The following APPL1 variants were observed in gnomAD, a reference collection of about 807,000 sequenced individuals.
APPL1 encodes the protein DCC-interacting protein 13-alpha.
Under a neutral mutation model 106.8 loss-of-function variants are expected in APPL1, and 42 were observed. The ratio of observed to expected loss-of-function variants is 0.39; its 90% CI spans 0.31 to 0.51. APPL1 has a LOEUF of 0.51. APPL1 is among the 20% of genes least tolerant of loss of function. APPL1 has a pLI of 0.75. For missense variants in APPL1, 769 were observed against 858.2 expected (o/e 0.90, Z 1.30); for synonymous variants, 263 against 281.8 (o/e 0.93, Z 0.67).
rs760312960 is a variant in APPL1, at chr3:57,259,832, T to G, written c.1484-13T>G. On this transcript the variant is annotated splice_polypyrimidine_tract_variant and intron_variant, in intron 16 of 21. Coordinates refer to ENST00000288266, the MANE Select transcript of APPL1 (RefSeq NM_012096.3). ...TAAAAAAAAAATATGTAATACACCT[T>G]GTTCTATTATAGATTCTATTCTTCA... 7 of 1,549,068 alleles carry G rather than the reference T, an allele frequency of 4.5e-6. No individual in the cohort carries two copies. The Admixed American group carries it at 1.5e-4, about 34-fold the overall frequency.
chr3:57,231,962 A>G (rs530994065), intron 1 of APPL1, among the ~76,000 whole-genome samples: 3 of 152,210 alleles, frequency 2.0e-5, no homozygotes, highest in Admixed American at 6.5e-5. Flanking sequence ...TCTTTTAAGA[A>G]TACTGCCTGG....
At position 57,227,830 on chromosome 3, in the gene APPL1, C is replaced by T. The variant is rs1040146567; in HGVS notation, c.-54C>T. 7.8e-6 allele frequency: 11 copies of T among 1,407,298 alleles called. No homozygotes were observed. The Admixed American group carries it at 2.1e-4, about 27-fold the overall frequency. The allele number at this position is 1,407,298 out of a possible 1,614,324, so 87.2% of individuals were successfully genotyped here. A position where few individuals can be genotyped will look rare whatever the true frequency, so the allele number is the denominator to read the frequency against. On this transcript the variant is annotated 5_prime_UTR_variant, in exon 1 of 22. Coordinates refer to ENST00000288266, the MANE Select transcript of APPL1 (RefSeq NM_012096.3). The stretch of plus-strand genomic sequence containing the variant: ...GTCAGCTGCGGCGGGCGGGCCGGCG[C>T]GGGGAGCTGTGGGCGGCAGCTGCGT...
rs1258168940 is a variant in APPL1, at chr3:57,272,722, C to G, written c.*3035C>G. 1.3e-5 allele frequency: 2 copies of G among 152,334 alleles called. No homozygotes were observed. Among genetic ancestry groups the G allele is most frequent in the East Asian group, 3.8e-4 (2 of 5,212 alleles). The allele number at this position is 152,334 out of a possible 1,614,324, so 9.4% of individuals were successfully genotyped here. A position where few individuals can be genotyped will look rare whatever the true frequency, so the allele number is the denominator to read the frequency against. ...TCACGCCATTCTCCTGCCTCAGCCT[C>G]CCGAGTAGCTGGGACCACAGGGGCC... On this transcript the variant is annotated 3_prime_UTR_variant, in exon 22 of 22. Transcript: ENST00000288266.
chr3:57,263,290 G>A (rs1003412448), intron 19 of APPL1, among the ~76,000 whole-genome samples: 1 of 151,786 alleles, frequency 6.6e-6, no homozygotes, highest in African/African-American at 2.4e-5. Flanking sequence ...TACTCTTTTA[G>A]TTATTTTTAA....
chr3:57,230,792 G>A (rs1022047826), intron 1 of APPL1: 2 of 455,022 alleles, frequency 4.4e-6, no homozygotes. Flanking sequence ...TTTTTTTTGA[G>A]ACAGAGTCTC....
At position 57,265,218 on chromosome 3, in the gene APPL1, G is replaced by A. The variant is rs146824435; in HGVS notation, c.1843-2524G>A. 4.0e-4 allele frequency among the ~76,000 whole-genome samples: 60 copies of A among 151,828 alleles called. 1 individual carries two copies. The East Asian group carries it at 8.3e-3, about 21-fold the overall frequency. ...GGCTGGAGTGCAGTTGCATAATCTCGGCTCACTGCAATGTCTGCCTCCCAG... is the reference window on the plus strand; with the variant it reads ...GGCTGGAGTGCAGTTGCATAATCTCAGCTCACTGCAATGTCTGCCTCCCAG... On this transcript the variant is annotated intron_variant, in intron 19 of 21. Transcript: ENST00000288266.
At chr3:57,269,405 CTTTTT>C in intron 21 of APPL1, 131 bp from the exon 22 acceptor site, 1 of 818,582 alleles carries the variant, frequency 1.2e-6, no homozygotes. Context: ...TGTAGCTTTT[CTTTTT>C]ATCAAGTTGT....
At chr3:57,240,632 C>T (rs1399534205) in intron 5 of APPL1, 80 bp downstream of exon 5, 5 of 1,260,890 alleles carry the variant, frequency 4.0e-6, no homozygotes, top group Non-Finnish European at 4.6e-6. Context: ...TGTACTTACA[C>T]CATTTCTGGA....
At chr3:57,255,256 T>G (rs4681966) in intron 13 of APPL1, among the ~76,000 whole-genome samples, 2 of 152,010 alleles carry the variant, frequency 1.3e-5, no homozygotes, top group Admixed American at 6.6e-5. Context: ...TGGGCCTGTC[T>G]GTGCTATGGG....
chr3:57,259,827 C>T lies in APPL1; in HGVS notation c.1484-18C>T, dbSNP rs1402330380. 1 of 1,521,048 alleles carries T rather than the reference C, an allele frequency of 6.6e-7. No homozygotes were observed. The highest frequency in any genetic ancestry group is 8.8e-7 in the Non-Finnish European group (1 of 1,132,556). The allele number at this position is 1,521,048 out of a possible 1,614,324, so 94.2% of individuals were successfully genotyped here. On this transcript the variant is annotated intron_variant, in intron 16 of 21. Transcript: ENST00000288266. ...TACAGTAAAAAAAAAATATGTAATA[C>T]ACCTTGTTCTATTATAGATTCTATT...
intron 9 of APPL1, among the ~76,000 whole-genome samples, chr3:57,247,788 G>A (rs1388992229): frequency 6.6e-6 from 1 of 152,150 alleles, no homozygotes; most frequent in Non-Finnish European, 1.5e-5. Context: ...GTGGGAGTTT[G>A]ATGGGAGATT....
chr3:57,239,779 T>C (rs1385855502), intron 4 of APPL1, among the ~76,000 whole-genome samples: 8 of 152,242 alleles, frequency 5.3e-5, no homozygotes, highest in Non-Finnish European at 1.0e-4. Flanking sequence ...CTACAGTGCC[T>C]GCACCATTTT....
chr3:57,259,048 A>G lies in APPL1; in HGVS notation c.1451A>G (p.Glu484Gly). 6.2e-7 allele frequency: 1 copy of G among 1,612,968 alleles called. No homozygotes were observed. Among genetic ancestry groups the G allele is most frequent in the South Asian group, 1.1e-5 (1 of 90,832 alleles). The change falls in exon 16 of 22, where the codon GAA becomes GGA. Residue 484 changes from glutamate (E) to glycine (G), a missense_variant. Glu to Gly is a moderately conservative substitution (Grantham distance 98). Coordinates refer to ENST00000288266, the MANE Select transcript of APPL1 (RefSeq NM_012096.3). The stretch of plus-strand genomic sequence containing the variant: ...TTTAGGCGTACAAATCCATTTGGAG[A>G]ATCTGGAGGAAGTACAAAATCTGAA... ...QGGRRTNPFG[E>G]SGGSTKSETE... is the part of the protein sequence containing the mutation.
intron 12 of APPL1, among the ~76,000 whole-genome samples, 164 bp from the exon 13 acceptor site, chr3:57,253,518 A>G (rs1230991338): frequency 6.6e-6 from 1 of 151,994 alleles, no homozygotes; most frequent in Non-Finnish European, 1.5e-5. Context: ...GAAGATAAAT[A>G]TATTACTTCT....
intron 15 of APPL1, chr3:57,258,648 A>G (rs1005764618): frequency 1.8e-5 from 3 of 164,626 alleles, no homozygotes; most frequent in Admixed American, 6.4e-5. Flanking sequence ...CAGAACCTAA[A>G]AAGAAGTTTT....
At chr3:57,268,750 A>G in intron 21 of APPL1, 3 of 218,738 alleles carry the variant, frequency 1.4e-5, no homozygotes, top group Admixed American at 1.1e-4. Context: ...GTCTCTGTCA[A>G]AGCAGTTGAG....
At chr3:57,268,637 G>T in intron 21 of APPL1, 150 bp downstream of exon 21, 1 of 805,908 alleles carries the variant, frequency 1.2e-6, no homozygotes, top group Non-Finnish European at 1.8e-6. Context: ...AGCAGAAAAG[G>T]GTCACATCTG....
intron 6 of APPL1, 48 bp from the exon 7 acceptor site, chr3:57,242,808 G>A (rs761448375): frequency 2.8e-6 from 4 of 1,424,396 alleles, no homozygotes; most frequent in African/African-American, 2.8e-5. Flanking sequence ...GCATTTGTAA[G>A]TTTTGAAAAG....
intron 3 of APPL1, 74 bp downstream of exon 3, chr3:57,237,625 T>A: frequency 1.8e-6 from 2 of 1,083,236 alleles, no homozygotes; most frequent in Non-Finnish European, 2.6e-6. Flanking sequence ...TCAACAAGAA[T>A]CCTTAAGTTT....
Sources: allele counts gnomAD v4.1 joint callset (sites outside exome capture counted in the v4.1 genomes callset), GRCh38; gene constraint gnomAD v4.1.1; transcripts MANE v1.5; gene names NCBI Gene and HGNC (gene_info 2026-07-23, HGNC 2026-07-21).